Variants in ATP7B observed in about 807,000 individuals in gnomAD.
ATP7B encodes the protein copper-transporting ATPase 2.
ATP7B carries 113 observed loss-of-function variants against 118.9 expected under a neutral mutation model. The observed-to-expected ratio is 0.95, with a 90% CI of 0.82 to 1.11. The LOEUF (loss-of-function observed/expected upper bound fraction) is 1.11, where lower values mean the gene tolerates loss of function less well. Ranked by LOEUF, ATP7B falls within the 50% of genes most tolerant of loss-of-function variation. ATP7B has a pLI of 0.00. For missense variants in ATP7B, 1,867 were observed against 1,871.4 expected (o/e 1.00, Z 0.04); for synonymous variants, 777 against 727.4 (o/e 1.07, Z -1.10).
At chr13:52,001,172 TCCAAGCCA>T (rs1953475171) in intron 1 of ATP7B, among the ~76,000 whole-genome samples, 2 of 152,102 alleles carry the variant, frequency 1.3e-5, no homozygotes, top group African/African-American at 2.4e-5. Context: ...AGAACCCTGG[TCCAAGCCA>T]CCAGCTCATC....
chr13:51,991,206 A>G (rs776276019), intron 1 of ATP7B, among the ~76,000 whole-genome samples: 24 of 152,204 alleles, frequency 1.6e-4, no homozygotes, highest in Admixed American at 3.3e-4. Flanking sequence ...CCATCAGTTC[A>G]ATGTGTCTAA....
At chr13:51,938,226 G>A (rs1957090066) in intron 17 of ATP7B, among the ~76,000 whole-genome samples, 1 of 152,184 alleles carries the variant, frequency 6.6e-6, no homozygotes. Context: ...GTCCTGGGAA[G>A]GTGCAGTTTT....
chr13:51,976,340 C>T (rs1269985736), intron 1 of ATP7B, among the ~76,000 whole-genome samples: 1 of 152,182 alleles, frequency 6.6e-6, no homozygotes, highest in Non-Finnish European at 1.5e-5. Context: ...AGCAGCTTAA[C>T]AACACAAATG....
chr13:52,011,492 G>A (rs913911682), upstream of ATP7B: 20 of 856,264 alleles, frequency 2.3e-5, no homozygotes, highest in Non-Finnish European at 3.4e-5. Flanking sequence ...AGGGGTCCGG[G>A]AACCGCCCCT....
intron 1 of ATP7B, among the ~76,000 whole-genome samples, chr13:51,986,533 G>A (rs540875232): frequency 1.3e-5 from 2 of 152,226 alleles, no homozygotes; most frequent in Non-Finnish European, 2.9e-5. Context: ...CCAAACAATA[G>A]AAAAAGAGGG....
upstream of ATP7B, chr13:52,011,870 C>T (rs1231921698): frequency 1.1e-5 from 3 of 270,040 alleles, no homozygotes; most frequent in Non-Finnish European, 2.2e-5. Flanking sequence ...GCAGACTCAG[C>T]TCCCAGGGCT....
intron 20 of ATP7B, among the ~76,000 whole-genome samples, chr13:51,935,359 C>T (rs1365595006): frequency 1.3e-5 from 2 of 152,200 alleles, no homozygotes; most frequent in Admixed American, 6.5e-5. Flanking sequence ...ACATAAACAG[C>T]CCTTGAGGAG....
chr13:51,953,847 A>G (rs1036685787), intron 9 of ATP7B, among the ~76,000 whole-genome samples: 3 of 147,692 alleles, frequency 2.0e-5, no homozygotes, highest in African/African-American at 7.5e-5. Flanking sequence ...TTCCCCATCA[A>G]TTGTAAAAAA....
At chr13:51,950,611 G>T (rs1957938514) in intron 9 of ATP7B, among the ~76,000 whole-genome samples, 1 of 152,172 alleles carries the variant, frequency 6.6e-6, no homozygotes, top group African/African-American at 2.4e-5. Flanking sequence ...GCACAGCAAA[G>T]GCCCTACTAC....
chr13:51,950,088 C>T lies in ATP7B; in HGVS notation c.2649G>A (p.Val883=). The stretch of plus-strand genomic sequence containing the variant: ...TGCCCACGTGGGTAGCTTTAATGAG[C>T]ACAGAGCCATGTGCATTTATAGACC... ...IAGSINAHGS[V]LIKATHVGND... The change falls in exon 11 of 21, where the codon GTG becomes GTA. Residue 883 remains valine, a synonymous_variant. Coordinates refer to ENST00000242839, the MANE Select transcript of ATP7B (RefSeq NM_000053.4). 2 of 1,614,226 alleles carry T rather than the reference C, an allele frequency of 1.2e-6. No homozygotes were observed. Among genetic ancestry groups the T allele is most frequent in the African/African-American group, 1.3e-5 (1 of 75,048 alleles).
At chr13:51,997,879 G>A (rs571651111) in intron 1 of ATP7B, among the ~76,000 whole-genome samples, 6 of 152,304 alleles carry the variant, frequency 3.9e-5, no homozygotes, top group African/African-American at 9.6e-5. Context: ...CAAGATGAGC[G>A]GGGAGGGTGG....
upstream of ATP7B, chr13:52,011,984 C>T: frequency 3.1e-6 from 1 of 320,476 alleles, no homozygotes; most frequent in Non-Finnish European, 6.0e-6. Context: ...CCGTGGGTCC[C>T]AAAGGAAGCA....
intron 1 of ATP7B, among the ~76,000 whole-genome samples, chr13:52,009,519 C>G (rs1392735388): frequency 6.6e-6 from 1 of 152,242 alleles, no homozygotes; most frequent in Non-Finnish European, 1.5e-5. Context: ...CCCACACTTT[C>G]TGTAACCTCA....
intron 13 of ATP7B, 89 bp from the exon 14 acceptor site, chr13:51,944,380 G>A: frequency 6.6e-7 from 1 of 1,519,328 alleles, no homozygotes; most frequent in African/African-American, 1.4e-5. Context: ...CACCCAACCT[G>A]CCTCAGACAG....
Position 51,960,082 on chromosome 13 carries a change from G to A in ATP7B, c.2121+66C>T, listed in dbSNP as rs541296610. The A allele has an allele frequency of 5.0e-5, 78 of 1,561,398 alleles. 1 individual carries two copies. The highest frequency in any genetic ancestry group is 6.7e-5 in the East Asian group (3 of 44,604). On this transcript the variant is annotated intron_variant, in intron 7 of 20. Coordinates refer to ENST00000242839, the MANE Select transcript of ATP7B (RefSeq NM_000053.4). The stretch of plus-strand genomic sequence containing the variant: ...CTAAAGCACTATGTTTGCGCTTAGC[G>A]GGCAGAATATCTGAGGGCCACACAC...
At chr13:52,006,360 T>C (rs1213736221) in intron 1 of ATP7B, among the ~76,000 whole-genome samples, 1 of 152,234 alleles carries the variant, frequency 6.6e-6, no homozygotes, top group Non-Finnish European at 1.5e-5. Flanking sequence ...GCTTAGTTTA[T>C]TACCCTGCTC....
At chr13:51,995,027 T>A (rs1360250193) in intron 1 of ATP7B, among the ~76,000 whole-genome samples, 2 of 152,184 alleles carry the variant, frequency 1.3e-5, no homozygotes, top group Non-Finnish European at 2.9e-5. Flanking sequence ...TAAAACATAT[T>A]AGTAAAAAGA....
chr13:51,992,023 T>C (rs1017755849), intron 1 of ATP7B, among the ~76,000 whole-genome samples: 2 of 151,936 alleles, frequency 1.3e-5, no homozygotes, highest in African/African-American at 4.8e-5. Flanking sequence ...CAGATCTTTT[T>C]CCCCTCTCTG....
intron 7 of ATP7B, 78 bp from the exon 8 acceptor site, chr13:51,958,622 G>T: frequency 7.7e-7 from 1 of 1,290,724 alleles, no homozygotes; most frequent in Non-Finnish European, 1.1e-6. Context: ...AAGGGCCCTG[G>T]GGATGGCAAA....
Sources: allele counts gnomAD v4.1 joint callset (sites outside exome capture counted in the v4.1 genomes callset), GRCh38; gene constraint gnomAD v4.1.1; transcripts MANE v1.5; gene names NCBI Gene and HGNC (gene_info 2026-07-23, HGNC 2026-07-21).